BRINP3: variants seen among roughly 807,000 people sequenced by gnomAD.
BRINP3 encodes the protein BMP/retinoic acid-inducible neural-specific protein 3.
A neutral mutation model predicts 71.0 loss-of-function variants in BRINP3; 19 were observed. The ratio of observed to expected loss-of-function variants is 0.27; its 90% CI spans 0.19 to 0.39. The LOEUF is 0.39. Ranked by LOEUF, BRINP3 falls within the 10% of genes least tolerant of loss-of-function variation. BRINP3 has a pLI of 1.00. For synonymous variants in BRINP3, 380 were observed against 337.7 expected (o/e 1.13, Z -1.37); for missense variants, 959 against 940.8 (o/e 1.02, Z -0.25).
intron 7 of BRINP3, among the ~76,000 whole-genome samples, chr1:190,110,405 T>C (rs1240413332): frequency 6.6e-6 from 1 of 152,200 alleles, no homozygotes; most frequent in Non-Finnish European, 1.5e-5. Flanking sequence ...GAGAGTTGTC[T>C]GAAACATTTT....
intron 2 of BRINP3, among the ~76,000 whole-genome samples, chr1:190,391,728 T>C (rs1671261984): frequency 6.6e-6 from 1 of 151,690 alleles, no homozygotes; most frequent in Non-Finnish European, 1.5e-5. Context: ...GTATGAGTGA[T>C]GCCTACACTG....
In BRINP3 at chr1:190,452,315, A is replaced by T. The variant is rs188687289; in HGVS notation, c.236+2340T>A. ...TTTGCAATGTTTAAATGGTTTTATA[A>T]GAAGTTGTAACCTAGCTCCATTGTT... On this transcript the variant is annotated intron_variant, in intron 2 of 7. Transcript: ENST00000367462. 3.9e-3 allele frequency among the ~76,000 whole-genome samples: 589 copies of T among 152,344 alleles called. 4 individuals carry two copies. The highest frequency in any genetic ancestry group is 6.6e-3 in the Non-Finnish European group (448 of 68,024).
intron 6 of BRINP3, among the ~76,000 whole-genome samples, chr1:190,206,968 T>A (rs567481516): frequency 7.0e-6 from 1 of 143,524 alleles, no homozygotes; most frequent in Non-Finnish European, 1.5e-5. Flanking sequence ...CATGTTTGGG[T>A]TTTTTTTTTG....
intron 6 of BRINP3, among the ~76,000 whole-genome samples, chr1:190,189,760 C>A (rs1450077737): frequency 1.3e-5 from 2 of 151,976 alleles, no homozygotes; most frequent in African/African-American, 4.8e-5. Flanking sequence ...ATTACCATTT[C>A]TTTAGGCCAT....
chr1:190,137,228 A>AT (rs1302452087), intron 7 of BRINP3, among the ~76,000 whole-genome samples: 2 of 152,046 alleles, frequency 1.3e-5, no homozygotes, highest in East Asian at 1.9e-4. Context: ...AGGCAATACA[A>AT]TTTTTTCTTT....
At chr1:190,410,659 G>A (rs894046939) in intron 2 of BRINP3, among the ~76,000 whole-genome samples, 2 of 151,928 alleles carry the variant, frequency 1.3e-5, no homozygotes, top group Non-Finnish European at 2.9e-5. Flanking sequence ...AGACTAAATC[G>A]TTTTAGAAGA....
intron 2 of BRINP3, among the ~76,000 whole-genome samples, chr1:190,305,209 T>TA (rs757645592): frequency 6.6e-6 from 1 of 151,844 alleles, no homozygotes; most frequent in Non-Finnish European, 1.5e-5. Context: ...CTCAAAAAAT[T>TA]AAAAATCAAA....
chr1:190,327,507 C>G (rs75297540), intron 2 of BRINP3, among the ~76,000 whole-genome samples: 1 of 143,582 alleles, frequency 7.0e-6, no homozygotes, highest in East Asian at 2.0e-4. Flanking sequence ...AAAAAGCGAG[C>G]AGAGATTGCT....
At chr1:190,404,127 A>C (rs1359683921) in intron 2 of BRINP3, among the ~76,000 whole-genome samples, 1 of 152,204 alleles carries the variant, frequency 6.6e-6, no homozygotes, top group African/African-American at 2.4e-5. Context: ...TGTGAAAATC[A>C]TGCTCTTTAA....
At chr1:190,444,792 C>G (rs1336346314) in intron 2 of BRINP3, among the ~76,000 whole-genome samples, 1 of 152,240 alleles carries the variant, frequency 6.6e-6, no homozygotes, top group Non-Finnish European at 1.5e-5. Context: ...CCTTGGCCCC[C>G]CCAAGGTGCT....
chr1:190,266,476 G>GA (rs1661673697), intron 3 of BRINP3, among the ~76,000 whole-genome samples: 3 of 151,934 alleles, frequency 2.0e-5, no homozygotes, highest in South Asian at 2.1e-4. Flanking sequence ...AATAGTTTAA[G>GA]AAAAAACATA....
intron 2 of BRINP3, among the ~76,000 whole-genome samples, chr1:190,428,192 G>A (rs1333289876): frequency 6.6e-6 from 1 of 151,662 alleles, no homozygotes; most frequent in Non-Finnish European, 1.5e-5. Context: ...TAGAAGGTAT[G>A]CTTTTCCTGA....
chr1:190,222,280 A>C (rs961923804), intron 6 of BRINP3, among the ~76,000 whole-genome samples: 3 of 152,034 alleles, frequency 2.0e-5, no homozygotes. Context: ...GAAAATACAC[A>C]AACACATAGA....
intron 2 of BRINP3, among the ~76,000 whole-genome samples, chr1:190,345,368 C>G (rs1667948088): frequency 6.6e-6 from 1 of 151,732 alleles, no homozygotes; most frequent in African/African-American, 2.4e-5. Flanking sequence ...AGCTCAGAAT[C>G]GAAATAAAAC....
At chr1:190,245,948 G>A (rs1659564314) in intron 4 of BRINP3, among the ~76,000 whole-genome samples, 1 of 151,720 alleles carries the variant, frequency 6.6e-6, no homozygotes. Flanking sequence ...ATTTTTTATG[G>A]CTGCATAGTA....
intron 6 of BRINP3, among the ~76,000 whole-genome samples, chr1:190,178,536 T>G (rs1652754629): frequency 6.6e-6 from 1 of 152,160 alleles, no homozygotes; most frequent in African/African-American, 2.4e-5. Context: ...TAGAGAAAGC[T>G]ATCTAAGAAA....
chr1:190,470,734 T>C (rs1677081677), intron 1 of BRINP3, among the ~76,000 whole-genome samples: 1 of 151,114 alleles, frequency 6.6e-6, no homozygotes, highest in Non-Finnish European at 1.5e-5. Flanking sequence ...CAATCATGGT[T>C]GAATATAAAC....
In BRINP3 at chr1:190,235,944, T is replaced by C. The variant is rs548533594; in HGVS notation, c.619-1467A>G. 2.1e-4 allele frequency among the ~76,000 whole-genome samples: 32 copies of C among 151,836 alleles called. No homozygotes were observed. The South Asian group carries it at 3.3e-3, about 16-fold the overall frequency. On this transcript the variant is annotated intron_variant, in intron 4 of 7. Transcript: ENST00000367462. ...GCTCCACATTCTAAAAATGCGGGAG[T>C]TTTTGTCTATTTTGTTCACTCACAT...
At chr1:190,254,158 T>C (rs1287450050) in intron 4 of BRINP3, among the ~76,000 whole-genome samples, 3 of 152,218 alleles carry the variant, frequency 2.0e-5, no homozygotes, top group Non-Finnish European at 4.4e-5. Flanking sequence ...CATGCTGTTT[T>C]GGTTACTGTA....
Sources: allele counts gnomAD v4.1 joint callset (sites outside exome capture counted in the v4.1 genomes callset), GRCh38; gene constraint gnomAD v4.1.1; transcripts MANE v1.5; gene names NCBI Gene and HGNC (gene_info 2026-07-23, HGNC 2026-07-21).